The following CUL4B variants were observed in gnomAD, a reference collection of about 807,000 sequenced individuals.
CUL4B encodes cullin-4B.
Under a neutral mutation model 69.2 loss-of-function variants are expected in CUL4B, and 1 was observed. The observed-to-expected ratio is 0.01, with a 90% CI of 0.01 to 0.07. The LOEUF (loss-of-function observed/expected upper bound fraction) is 0.07. CUL4B is among the 10% of genes least tolerant of loss of function. CUL4B has a pLI of 1.00. For synonymous variants in CUL4B, 237 were observed against 223.2 expected (o/e 1.06, Z -0.55); for missense variants, 328 against 638.8 (o/e 0.51, Z 5.24).
At chrX:120,563,595 C>T (rs187136715), upstream of CUL4B, among the ~76,000 whole-genome samples, 5 of 112,056 alleles carry the variant, frequency 4.5e-5, no homozygotes, top group Admixed American at 2.8e-4. Context: ...TTTCCTTTAT[C>T]GTGTCTCACA....
rs1156418546 is a variant in CUL4B at position 120,539,256 on chromosome X, G to T, written c.1741+12C>A. Reference sequence around the variant, plus strand: ...TTAAAAGAAAAATATTAAAACATTAGTAAATACTTACCATAGATAAATCTA... The same window carrying T: ...TTAAAAGAAAAATATTAAAACATTATTAAATACTTACCATAGATAAATCTA... On this transcript the variant is annotated intron_variant, in intron 12 of 19. Coordinates refer to ENST00000371322, the MANE Select transcript of CUL4B (RefSeq NM_001079872.2). 1.0e-6 allele frequency: 1 copy of T among 985,677 alleles called. No individual in the cohort carries two copies. The highest frequency in any genetic ancestry group is 1.4e-6 in the Non-Finnish European group (1 of 705,492). The allele number at this position is 985,677 out of a possible 1,213,427, so 81.2% of individuals were successfully genotyped here.
At chrX:120,538,044 T>C in intron 14 of CUL4B, 80 bp downstream of exon 14, 1 of 685,757 alleles carries the variant, frequency 1.5e-6, no homozygotes, top group East Asian at 3.3e-5. Context: ...TTTCTATTTA[T>C]CCTCTTTAGT....
chrX:120,550,009 C>T (rs1277086949), intron 2 of CUL4B, among the ~76,000 whole-genome samples: 1 of 111,821 alleles, frequency 8.9e-6, no homozygotes, highest in Non-Finnish European at 1.9e-5. Flanking sequence ...AAACAGTTCT[C>T]GGCACATCTA....
Position 120,534,599 on chromosome X carries a change from TAA to T in CUL4B, c.2161-15_2161-14del. 9.2e-7 allele frequency: 1 copy of T among 1,083,770 alleles called. No individual in the cohort carries two copies. Among genetic ancestry groups the T allele is most frequent in the Non-Finnish European group, 1.3e-6 (1 of 778,921 alleles). 89.3% of individuals were successfully genotyped at this position (1,083,770 alleles called of 1,213,427 possible). On this transcript the variant is annotated splice_polypyrimidine_tract_variant and intron_variant, in intron 16 of 19. Transcript: ENST00000371322. ...GTTCCTTTTTACCCTGTTGAAGAAA[TAA>T]AAGTGTTTAGTCATCACTTTTTTAA...
rs1925224314 is a variant in CUL4B, at chrX:120,560,501, A to ACTG, written c.135_137dup (p.Ser49dup). 8.3e-7 allele frequency: 1 copy of ACTG among 1,210,266 alleles called. No individual in the cohort carries two copies. The highest frequency in any genetic ancestry group is 1.1e-6 in the Non-Finnish European group (1 of 894,542). ...TCTCGTTACTACTGTTACTGCTGCT[A>ACTG]CTGCTGCTGCTGTTTAACTTTCTCT... On this transcript the variant is annotated inframe_insertion, in exon 1 of 20. Transcript: ENST00000371322.
intron 2 of CUL4B, among the ~76,000 whole-genome samples, chrX:120,553,892 T>C (rs1198016410): frequency 8.9e-6 from 1 of 111,955 alleles, no homozygotes; most frequent in Non-Finnish European, 1.9e-5. Flanking sequence ...AACTGTATGA[T>C]ACCACATGTG....
chrX:120,542,929 T>TTTTACAATAAGAGATTG (rs1924082222), intron 9 of CUL4B, 37 bp downstream of exon 9: 1 of 1,064,732 alleles, frequency 9.4e-7, no homozygotes, highest in African/African-American at 1.8e-5. Flanking sequence ...CCACTACCAT[T>TTTTACAATAAGAGATTG]TAAAAAGCAA....
At chrX:120,542,517 GAAC>G (rs1406750877) in intron 9 of CUL4B, among the ~76,000 whole-genome samples, 1 of 111,906 alleles carries the variant, frequency 8.9e-6, no homozygotes, top group Admixed American at 9.5e-5. Context: ...GACATGCCAT[GAAC>G]AACAAAAAAC....
chrX:120,538,430 T>C (rs1762752486), intron 13 of CUL4B: 2 of 418,881 alleles, frequency 4.8e-6, no homozygotes, highest in East Asian at 3.9e-5. Flanking sequence ...ATAAAATAAA[T>C]GGGAAATTTT....
chrX:120,543,951 T>C, intron 7 of CUL4B, 142 bp from the exon 8 acceptor site: 1 of 572,202 alleles, frequency 1.7e-6, no homozygotes, highest in Non-Finnish European at 2.9e-6. Context: ...GAGTTTATGA[T>C]CCAGAATTCT....
intron 4 of CUL4B, 123 bp downstream of exon 4, chrX:120,546,424 G>A (rs1924330504): frequency 2.8e-5 from 13 of 461,466 alleles, no homozygotes; most frequent in Middle Eastern, 5.9e-4. Flanking sequence ...AAAAGAAAAG[G>A]AATAGATATT....
chrX:120,548,826 T>C (rs1924499060), intron 2 of CUL4B, among the ~76,000 whole-genome samples: 1 of 110,985 alleles, frequency 9.0e-6, no homozygotes, highest in South Asian at 3.7e-4. Flanking sequence ...AGAGAGAGAC[T>C]CCATCTCAAA....
At chrX:120,566,598 T>C (rs1203519603), downstream of CUL4B, among the ~76,000 whole-genome samples, 5 of 106,628 alleles carry the variant, frequency 4.7e-5, no homozygotes, top group Non-Finnish European at 7.7e-5. Flanking sequence ...GGTTTCTCCA[T>C]GTTGGCCAGG....
chrX:120,553,070 G>A (rs1439898536), intron 2 of CUL4B, among the ~76,000 whole-genome samples: 1 of 111,859 alleles, frequency 8.9e-6, no homozygotes, highest in Admixed American at 9.5e-5. Flanking sequence ...ATTTGTAAGT[G>A]CACATTTTAA....
In CUL4B at chrX:120,560,782, A is replaced by AG. The variant is rs770054334; in HGVS notation, c.-145dup. 81 of 174,328 alleles carry AG rather than the reference A, an allele frequency of 4.6e-4. No individual in the cohort carries two copies. The highest frequency in any genetic ancestry group is 2.1e-3 in the East Asian group (6 of 2,906). The allele number at this position is 174,328 out of a possible 1,213,427, so 14.4% of individuals were successfully genotyped here. On this transcript the variant is annotated 5_prime_UTR_variant, in exon 1 of 20. Transcript: ENST00000371322. ...ACACAGAGGACGAGAAGGAAAGTGAAGGGGGGGGCTACACCGGGGGAATGG... is the reference window on the plus strand; with the variant it reads ...ACACAGAGGACGAGAAGGAAAGTGAAGGGGGGGGGCTACACCGGGGGAATGG...
intron 2 of CUL4B, among the ~76,000 whole-genome samples, chrX:120,555,305 C>A (rs1000943093): frequency 1.8e-5 from 2 of 111,643 alleles, no homozygotes; most frequent in African/African-American, 6.5e-5. Context: ...ACATTTGTTA[C>A]AAATATGGAA....
intron 1 of CUL4B, 49 bp from the exon 2 acceptor site, chrX:120,558,088 T>A: frequency 1.4e-6 from 1 of 737,192 alleles, no homozygotes; most frequent in Non-Finnish European, 2.1e-6. Flanking sequence ...TCAGATACAG[T>A]AACCAAAGAT....
In CUL4B at chrX:120,538,238, A is replaced by T. The variant is rs183560146; in HGVS notation, c.1853-29T>A. 531 of 994,401 alleles carry T rather than the reference A, an allele frequency of 5.3e-4. 3 individuals are homozygous for T. In the African/African-American group the frequency reaches 8.7e-3, roughly 16 times the overall value. The allele number at this position is 994,401 out of a possible 1,213,427, so 81.9% of individuals were successfully genotyped here. ...TTAAAGATGTTTGTACATGTATAAT[A>T]TTTTAAAGTGGTAAAAACAAAAGAG... On this transcript the variant is annotated intron_variant, in intron 13 of 19. Coordinates refer to ENST00000371322, the MANE Select transcript of CUL4B (RefSeq NM_001079872.2).
chrX:120,533,769 G>A (rs928656907), intron 17 of CUL4B, among the ~76,000 whole-genome samples: 1 of 111,506 alleles, frequency 9.0e-6, no homozygotes, highest in Non-Finnish European at 1.9e-5. Context: ...TTTCCCTATG[G>A]TTATATAAAG....
Sources: gnomAD v4.1 joint callset for allele counts (sites outside exome capture counted in the v4.1 genomes callset) on GRCh38, gnomAD v4.1.1 for gene constraint, MANE v1.5 for transcripts, NCBI Gene and HGNC (gene_info 2026-07-23, HGNC 2026-07-21) for gene names.